Variants in OR51G2 observed in about 807,000 individuals in gnomAD.
The protein encoded by OR51G2 is olfactory receptor 51G2.
A neutral mutation model predicts 11.8 loss-of-function variants in OR51G2; 13 were observed. That is an observed-to-expected ratio of 1.10 (90% CI 0.72 to 1.76). The LOEUF (loss-of-function observed/expected upper bound fraction) is 1.76. OR51G2 is among the 40% of genes most tolerant of loss of function. The probability of loss-of-function intolerance (pLI) is 0.00; values close to 1 mark genes in which losing one functional copy is unlikely to be tolerated. For missense variants in OR51G2, 474 were observed against 394.4 expected (o/e 1.20, Z -1.71); for synonymous variants, 178 against 151.9 (o/e 1.17, Z -1.26).
chr11:4,915,821 C>T (rs1851080106), intron 1 of OR51G2, 82 bp from the exon 2 acceptor site: 1 of 521,142 alleles, frequency 1.9e-6, no homozygotes, highest in Non-Finnish European at 3.4e-6. Context: ...TCTTTCTGGT[C>T]CTTGACTTCC....
chr11:4,917,869 G>A (rs1233338020), intron 1 of OR51G2, among the ~76,000 whole-genome samples: 1 of 151,870 alleles, frequency 6.6e-6, no homozygotes, highest in African/African-American at 2.4e-5. Context: ...AAAATTCAGA[G>A]AGCCTGACAA....
At position 4,913,509 on chromosome 11, in the gene OR51G2, C is replaced by CA. The variant is rs1851024164; in HGVS notation, c.*1209dup. On this transcript the variant is annotated 3_prime_UTR_variant, in exon 2 of 2. Transcript: ENST00000641926. ...CACAGTTACCTCCAAGCCCAAACTG[C>CA]AAATACTATATTGACATGTATTACT... 1 of 152,166 alleles carries CA rather than the reference C, an allele frequency of 6.6e-6. No homozygotes were observed. The highest frequency in any genetic ancestry group is 1.5e-5 in the Non-Finnish European group (1 of 68,038). 9.4% of individuals were successfully genotyped at this position (152,166 alleles called of 1,614,324 possible).
rs1851064965 is a variant in OR51G2 at position 4,915,303 on chromosome 11, G to A, written c.361C>T (p.Leu121=). 4 of 1,613,868 alleles carry A rather than the reference G, an allele frequency of 2.5e-6. No homozygotes were observed. In the South Asian group the frequency reaches 3.3e-5, roughly 13 times the overall value. The change falls in exon 2 of 2, where the codon CTG becomes TTG. Residue 121 remains leucine, a synonymous_variant. Transcript: ENST00000641926. ...CFSFLESSVL[L]SMAFDRFVAI... ...ACAAAGCGGTCAAAGGCCATAGACA[G>A]TAGCACAGAGGACTCGAGGAAGGAG...
chr11:4,914,989 C>A lies in OR51G2; in HGVS notation c.675G>T (p.Leu225=), dbSNP rs1184552152. ...CGATGGACAGCACGGTGCGCAGGAT[C>A]AGAGCATAAGAGAAGAGGATGAGCA... is the stretch of plus-strand genomic sequence containing the variant. ...DSLLILFSYA[L]ILRTVLSIAS... is the part of the protein sequence containing the mutation. The change falls in exon 2 of 2, where the codon CTG becomes CTT. Residue 225 remains leucine, a synonymous_variant. Transcript: ENST00000641926. 3 of 1,613,966 alleles carry A rather than the reference C, an allele frequency of 1.9e-6. No homozygotes were observed. Among genetic ancestry groups the A allele is most frequent in the Non-Finnish European group, 2.5e-6 (3 of 1,180,028 alleles).
chr11:4,915,936 G>T (rs1037650390), intron 1 of OR51G2, among the ~76,000 whole-genome samples, 197 bp from the exon 2 acceptor site: 1 of 152,094 alleles, frequency 6.6e-6, no homozygotes, highest in African/African-American at 2.4e-5. Flanking sequence ...GATTCTAAAT[G>T]AGCCGCTCCA....
Position 4,914,634 on chromosome 11 carries a change from C to T in OR51G2, c.*85G>A, listed in dbSNP as rs1413843139. On this transcript the variant is annotated 3_prime_UTR_variant, in exon 2 of 2. Transcript: ENST00000641926. Reference sequence around the variant, plus strand: ...TGTTTGTTGAGTAAGTAAATGTCTCCTTTATTTTATGCATGTTAGAAATTA... The same window carrying T: ...TGTTTGTTGAGTAAGTAAATGTCTCTTTTATTTTATGCATGTTAGAAATTA... 3.3e-6 allele frequency: 3 copies of T among 900,768 alleles called. No individual in the cohort carries two copies. The highest frequency in any genetic ancestry group is 5.1e-6 in the Non-Finnish European group (3 of 587,526). The allele number at this position is 900,768 out of a possible 1,614,324, so 55.8% of individuals were successfully genotyped here. A position where few individuals can be genotyped will look rare whatever the true frequency, so the allele number is the denominator to read the frequency against.
Position 4,915,700 on chromosome 11 carries a change from A to G in OR51G2, c.-37T>C. Reference sequence around the variant, plus strand: ...ACAAGGGGGAAGGTGGGTGCCCTCCAAAATCCTGAAGTAAATTGAGGCAGT... The same window carrying G: ...ACAAGGGGGAAGGTGGGTGCCCTCCGAAATCCTGAAGTAAATTGAGGCAGT... On this transcript the variant is annotated 5_prime_UTR_variant, in exon 2 of 2. Transcript: ENST00000641926. 2 of 1,485,690 alleles carry G rather than the reference A, an allele frequency of 1.3e-6. No homozygotes were observed. Among genetic ancestry groups the G allele is most frequent in the South Asian group, 1.2e-5 (1 of 82,378 alleles). 92.0% of individuals were successfully genotyped at this position (1,485,690 alleles called of 1,614,324 possible). A position where few individuals can be genotyped will look rare whatever the true frequency, so the allele number is the denominator to read the frequency against.
At position 4,915,694 on chromosome 11, in the gene OR51G2, C is replaced by T; in HGVS notation, c.-31G>A. The T allele has an allele frequency of 6.5e-7, 1 of 1,534,262 alleles. No homozygotes were observed. Among genetic ancestry groups the T allele is most frequent in the Non-Finnish European group, 8.9e-7 (1 of 1,123,368 alleles). ...GAGGAGACAAGGGGGAAGGTGGGTG[C>T]CCTCCAAAATCCTGAAGTAAATTGA... is the stretch of plus-strand genomic sequence containing the variant. On this transcript the variant is annotated 5_prime_UTR_variant, in exon 2 of 2. Coordinates refer to ENST00000641926, the MANE Select transcript of OR51G2 (RefSeq NM_001005238.2).
intron 1 of OR51G2, among the ~76,000 whole-genome samples, chr11:4,917,151 G>T (rs552519257): frequency 1.1e-4 from 17 of 152,068 alleles, no homozygotes; most frequent in African/African-American, 1.2e-4. Context: ...TGCCAAGAAT[G>T]TTTTTTTGCA....
chr11:4,915,331 GC>G lies in OR51G2; in HGVS notation c.332del (p.Cys111SerfsTer48). 1 of 1,613,952 alleles carries G rather than the reference GC, an allele frequency of 6.2e-7. No homozygotes were observed. Among genetic ancestry groups the G allele is most frequent in the Non-Finnish European group, 8.5e-7 (1 of 1,179,966 alleles). ...GCACAGAGGACTCGAGGAAGGAGAA[GC>G]AGTGAATGAAAAAGAGCTGAGCAAA... ...ACFAQLFFIH[C>X]FSFLESSVLL... On this transcript the variant is annotated frameshift_variant, in exon 2 of 2. Transcript: ENST00000641926. LOFTEE classifies it high-confidence loss of function.
At position 4,914,902 on chromosome 11, in the gene OR51G2, C is replaced by A; in HGVS notation, c.762G>T (p.Leu254=). 1 of 1,614,036 alleles carries A rather than the reference C, an allele frequency of 6.2e-7. No individual in the cohort carries two copies. The highest frequency in any genetic ancestry group is 8.5e-7 in the Non-Finnish European group (1 of 1,179,960). ...NTCVSHICAV[L]LFYTPMIGLS... The stretch of plus-strand genomic sequence containing the variant: ...GGCCAATCATGGGAGTGTAGAAGAG[C>A]AGCACAGCACAGATGTGGGAAACAC... Residue 254 remains leucine (L), a synonymous_variant, in exon 2 of 2, where the codon CTG becomes CTT. Transcript: ENST00000641926.
In OR51G2 at chr11:4,914,788, C is replaced by T. The variant is rs1381974089; in HGVS notation, c.876G>A (p.Met292Ile). ...TCTTCACACTGTAGACAATGGGATT[C>T]ATCACAGGAGGAAAGAGAAGATACA... ...GFMYLLFPPV[M>I]NPIVYSVKTK... The change falls in exon 2 of 2, where the codon ATG becomes ATA. Residue 292 changes from methionine (M) to isoleucine (I), a missense_variant. Transcript: ENST00000641926. The T allele has an allele frequency of 3.7e-6, 6 of 1,613,960 alleles. No individual in the cohort carries two copies. The highest frequency in any genetic ancestry group is 2.7e-5 in the African/African-American group (2 of 74,988).
At chr11:4,916,628 G>A (rs901644259) in intron 1 of OR51G2, among the ~76,000 whole-genome samples, 2 of 152,012 alleles carry the variant, frequency 1.3e-5, no homozygotes, top group African/African-American at 4.8e-5. Flanking sequence ...TGGTCTTCCT[G>A]ACATAGAAGC....
chr11:4,913,199 A>G lies in OR51G2; in HGVS notation c.*1520T>C, dbSNP rs1044049782. 1 of 152,142 alleles carries G rather than the reference A, an allele frequency of 6.6e-6. No homozygotes were observed. Among genetic ancestry groups the G allele is most frequent in the African/African-American group, 2.4e-5 (1 of 41,410 alleles). The allele number at this position is 152,142 out of a possible 1,614,324, so 9.4% of individuals were successfully genotyped here. On this transcript the variant is annotated 3_prime_UTR_variant, in exon 2 of 2. Transcript: ENST00000641926. ...CCTTTTGATTATTTTGGGGTTGATG[A>G]TATCATTGCAGAAACAGTGTTCTCA...
In OR51G2 at chr11:4,915,153, A is replaced by C. The variant is rs988418552; in HGVS notation, c.511T>G (p.Phe171Val). 1.9e-6 allele frequency: 3 copies of C among 1,613,986 alleles called. No individual in the cohort carries two copies. Among genetic ancestry groups the C allele is most frequent in the Non-Finnish European group, 8.5e-7 (1 of 1,180,024 alleles). ...AGAACTGGGGAGCCACAATAGGGGAATCTTTTGAGCATAAAAGGTAATGGA... is the reference window on the plus strand; with the variant it reads ...AGAACTGGGGAGCCACAATAGGGGACTCTTTTGAGCATAAAAGGTAATGGA... ...IFPLPFMLKR[F>V]PYCGSPVLSH... is the part of the protein sequence containing the mutation. Residue 171 changes from phenylalanine to valine, a missense_variant, in exon 2 of 2, where the codon TTC becomes GTC. Phe to Val is a conservative substitution (Grantham distance 50). Coordinates refer to ENST00000641926, the MANE Select transcript of OR51G2 (RefSeq NM_001005238.2).
At chr11:4,916,749 G>C (rs557289798) in intron 1 of OR51G2, among the ~76,000 whole-genome samples, 1 of 152,314 alleles carries the variant, frequency 6.6e-6, no homozygotes, top group East Asian at 1.9e-4. Context: ...GCTAGAGTAA[G>C]ACATCAAAGC....
chr11:4,915,628 G>C lies in OR51G2; in HGVS notation c.36C>G (p.Ser12Arg). Residue 12 changes from serine to arginine, a missense_variant, in exon 2 of 2, where the codon AGC becomes AGG. Physicochemically the swap from Ser to Arg is moderately radical, Grantham distance 110. Transcript: ENST00000641926. ...CACTCAGCAGGAAGGTAGCAGAAAC[G>C]CTGCTGCTGCTGTTTCCCAGGGATC... ...TLGSLGNSSS[S>R]VSATFLLSGI... is the part of the protein sequence containing the mutation. 6.2e-7 allele frequency: 1 copy of C among 1,611,818 alleles called. No homozygotes were observed. Among genetic ancestry groups the C allele is most frequent in the Non-Finnish European group, 8.5e-7 (1 of 1,178,354 alleles).
chr11:4,914,850 G>T lies in OR51G2; in HGVS notation c.814C>A (p.Gln272Lys). The stretch of plus-strand genomic sequence containing the variant: ...ACCACCTGGACCAGGTGGGGTGCCT[G>T]CTTTCCAAAGCGATGGATGACAGAG... Reference protein sequence around the residue: ...GLSVIHRFGKQAPHLVQVVMG... With the variant: ...GLSVIHRFGKKAPHLVQVVMG... Residue 272 changes from glutamine to lysine, a missense_variant, in exon 2 of 2, where the codon CAG (glutamine) becomes AAG (lysine). Gln to Lys is a moderately conservative substitution (Grantham distance 53). Coordinates refer to ENST00000641926, the MANE Select transcript of OR51G2 (RefSeq NM_001005238.2). 6.2e-7 allele frequency: 1 copy of T among 1,614,054 alleles called. No individual in the cohort carries two copies. Among genetic ancestry groups the T allele is most frequent in the Non-Finnish European group, 8.5e-7 (1 of 1,179,994 alleles).
At position 4,915,355 on chromosome 11, in the gene OR51G2, A is replaced by G; in HGVS notation, c.309T>C (p.Phe103=). The change falls in exon 2 of 2, where the codon TTT becomes TTC. Residue 103 remains phenylalanine, a synonymous_variant. Coordinates refer to ENST00000641926, the MANE Select transcript of OR51G2 (RefSeq NM_001005238.2). The part of the protein sequence containing the change: ...GAREISHDAC[F]AQLFFIHCFS... ...AGCAGTGAATGAAAAAGAGCTGAGC[A>G]AAGCAGGCATCATGGCTAATTTCTC... 6.2e-7 allele frequency: 1 copy of G among 1,614,088 alleles called. No individual in the cohort carries two copies. Among genetic ancestry groups the G allele is most frequent in the Non-Finnish European group, 8.5e-7 (1 of 1,180,020 alleles).
Sources: gnomAD v4.1 joint callset for allele counts (sites outside exome capture counted in the v4.1 genomes callset) on GRCh38, gnomAD v4.1.1 for gene constraint, MANE v1.5 for transcripts, NCBI Gene and HGNC (gene_info 2026-07-23, HGNC 2026-07-21) for gene names.